KAZN: variants seen among roughly 807,000 people sequenced by gnomAD.
The protein encoded by KAZN is kazrin.
Under a neutral mutation model 87.4 loss-of-function variants are expected in KAZN, and 40 were observed. That is an observed-to-expected ratio of 0.46 (90% CI 0.36 to 0.60). KAZN has a LOEUF of 0.60. Among genes scored for constraint, KAZN ranks in the 20% least tolerant of loss-of-function variants. The pLI is 0.00. For missense variants in KAZN, 898 were observed against 1,073.9 expected, an observed-to-expected ratio of 0.84 and a Z score of 2.29; for synonymous variants, 466 against 458.3, an observed-to-expected ratio of 1.02 and a Z score of -0.22.
intron 2 of KAZN, among the ~76,000 whole-genome samples, chr1:14,278,191 CAG>C (rs1231665700): frequency 1.5e-5 from 2 of 131,642 alleles, no homozygotes; most frequent in African/African-American, 3.2e-5. Context: ...AAAAAAAAAA[CAG>C]AGATGCCAGG....
intron 2 of KAZN, among the ~76,000 whole-genome samples, chr1:14,399,242 C>T (rs2101125126): frequency 6.6e-6 from 1 of 152,132 alleles, no homozygotes; most frequent in East Asian, 1.9e-4. Context: ...GTCTCAAACT[C>T]CTGAGGTCAA....
intron 2 of KAZN, among the ~76,000 whole-genome samples, chr1:14,412,868 A>G (rs1198240773): frequency 6.0e-5 from 9 of 151,148 alleles, no homozygotes; most frequent in Non-Finnish European, 1.2e-4. Flanking sequence ...ATAAAATTGT[A>G]GTCATGAAGA....
chr1:14,886,019 C>T (rs1027085537), intron 1 of KAZN, among the ~76,000 whole-genome samples: 9 of 152,084 alleles, frequency 5.9e-5, no homozygotes, highest in Non-Finnish European at 1.2e-4. Flanking sequence ...TAACACCCCC[C>T]GCCCCACCCC....
intron 2 of KAZN, among the ~76,000 whole-genome samples, chr1:14,367,507 T>A (rs1213018622): frequency 2.6e-5 from 4 of 152,022 alleles, no homozygotes; most frequent in African/African-American, 9.7e-5. Context: ...AAGGCAACAT[T>A]TGAGCAGGAA....
chr1:14,244,364 C>G (rs1649296666), intron 2 of KAZN, among the ~76,000 whole-genome samples: 1 of 152,228 alleles, frequency 6.6e-6, no homozygotes, highest in Admixed American at 6.5e-5. Flanking sequence ...TACGAACTCT[C>G]TAACCCACTA....
At chr1:14,472,156 G>T (rs772785411) in intron 2 of KAZN, among the ~76,000 whole-genome samples, 1 of 152,060 alleles carries the variant, frequency 6.6e-6, no homozygotes, top group Non-Finnish European at 1.5e-5. Context: ...CATTCATGAG[G>T]GCTCTGCCCT....
chr1:14,418,230 C>G (rs1021228820), intron 2 of KAZN, among the ~76,000 whole-genome samples: 3 of 151,988 alleles, frequency 2.0e-5, no homozygotes, highest in Admixed American at 6.6e-5. Context: ...TCAGGAAGAT[C>G]TGAGTTCAGA....
chr1:13,953,073 C>G (rs1384313568), intron 1 of KAZN, among the ~76,000 whole-genome samples: 2 of 152,122 alleles, frequency 1.3e-5, no homozygotes, highest in African/African-American at 4.8e-5. Flanking sequence ...GTAGAAGCAA[C>G]AGAACAGGCT....
At chr1:14,113,962 A>G (rs142479396) in intron 1 of KAZN, among the ~76,000 whole-genome samples, 91 of 152,298 alleles carry the variant, frequency 6.0e-4, no homozygotes, top group African/African-American at 2.2e-3. Flanking sequence ...TTGTTTGGGT[A>G]GGAAGGGAAA....
chr1:14,653,586 T>C (rs1366415668), intron 1 of KAZN, among the ~76,000 whole-genome samples: 1 of 152,158 alleles, frequency 6.6e-6, no homozygotes, highest in East Asian at 1.9e-4. Flanking sequence ...CAGATTTGTT[T>C]AAAAGGATGA....
chr1:14,294,174 G>A (rs1329743309), intron 2 of KAZN, among the ~76,000 whole-genome samples: 2 of 152,176 alleles, frequency 1.3e-5, no homozygotes, highest in South Asian at 2.1e-4. Flanking sequence ...TCTGAGCCCA[G>A]GGCCAACTTC....
Position 14,219,906 on chromosome 1 carries a change from G to A in KAZN, c.249+39314G>A, listed in dbSNP as rs1261877150. 3.9e-5 allele frequency among the ~76,000 whole-genome samples: 6 copies of A among 152,300 alleles called. No individual in the cohort carries two copies. In the East Asian group the frequency reaches 9.7e-4, roughly 25 times the overall value. On this transcript the variant is annotated intron_variant, in intron 2 of 16. Coordinates refer to the KAZN transcript ENST00000636203. ...CTAGTTTGCATCACTCAACATGACTGAAACCCACTGTCTGAAGGCCATTGA... is the reference window on the plus strand; with the variant it reads ...CTAGTTTGCATCACTCAACATGACTAAAACCCACTGTCTGAAGGCCATTGA...
intron 2 of KAZN, among the ~76,000 whole-genome samples, chr1:14,540,395 C>G (rs1290805614): frequency 6.6e-6 from 1 of 152,136 alleles, no homozygotes; most frequent in Non-Finnish European, 1.5e-5. Flanking sequence ...TGAGGCCCCG[C>G]GGGGTTAAGC....
intron 1 of KAZN, among the ~76,000 whole-genome samples, chr1:14,762,741 A>G (rs972177455): frequency 9.9e-5 from 15 of 151,760 alleles, no homozygotes; most frequent in Admixed American, 9.8e-4. Context: ...AAAAAAAGAA[A>G]GAAGAAGAGA....
chr1:14,265,643 C>T (rs1651416447), intron 2 of KAZN, among the ~76,000 whole-genome samples: 1 of 152,130 alleles, frequency 6.6e-6, no homozygotes. Context: ...AATCAGAAAT[C>T]GAACCCTCAG....
intron 2 of KAZN, among the ~76,000 whole-genome samples, chr1:14,392,466 C>T (rs778102196): frequency 2.0e-4 from 30 of 152,016 alleles, no homozygotes; most frequent in African/African-American, 3.6e-4. Flanking sequence ...CAAGGCGGGA[C>T]GATTGCACAC....
In KAZN at chr1:14,352,340, T is replaced by C. The variant is rs551856726; in HGVS notation, c.249+171748T>C. ...TGAACTTCTCTTGGCTCCAGAGAAC[T>C]GACAGAGCATTAAAAGGGCCCTTAG... On this transcript the variant is annotated intron_variant, in intron 2 of 16. Coordinates refer to the KAZN transcript ENST00000636203. Among the ~76,000 whole-genome samples the C allele has an allele frequency of 1.2e-3, 183 of 152,238 alleles. 1 individual carries two copies. The South Asian group carries it at 0.017, about 14-fold the overall frequency.
At position 15,112,498 on chromosome 1, in the gene KAZN, G is replaced by C. The variant is rs753606105; in HGVS notation, c.2120G>C (p.Gly707Ala). 6.2e-7 allele frequency: 1 copy of C among 1,606,774 alleles called. No homozygotes were observed. ...AGGGCCTCCAGCGTCACGCGGGCAGGAAAGGAGGAGAACAGCAGCGGTCTC... is the reference window on the plus strand; with the variant it reads ...AGGGCCTCCAGCGTCACGCGGGCAGCAAAGGAGGAGAACAGCAGCGGTCTC... ...PGRASSVTRA[G>A]KEENSSGLKY... Residue 707 changes from glycine (G) to alanine (A), a missense_variant, in exon 14 of 15, where the codon GGA (glycine) becomes GCA (alanine). Gly to Ala is a moderately conservative substitution (Grantham distance 60). Coordinates refer to ENST00000376030, the MANE Select transcript of KAZN (RefSeq NM_201628.3).
rs542017582 is a variant in KAZN, at chr1:14,773,774, A to G, written c.226+174551A>G. Among the ~76,000 whole-genome samples, 10 of 152,056 alleles carry G rather than the reference A, an allele frequency of 6.6e-5. No individual in the cohort carries two copies. The highest frequency in any genetic ancestry group is 1.3e-4 in the Non-Finnish European group (9 of 67,994). On this transcript the variant is annotated intron_variant, in intron 1 of 14. Transcript: ENST00000376030. This position sits in a 1 kb window ranked among gnomAD's most constrained non-coding sequence, Gnocchi z 5.9. ...GCTTCCGGGGCTGCCATCTCTAATG[A>G]ACTCAGCCTTCCTGGGAGCTGCGGC...
Sources: allele counts gnomAD v4.1 joint callset (sites outside exome capture counted in the v4.1 genomes callset), GRCh38; gene constraint gnomAD v4.1.1; non-coding constraint Gnocchi (gnomAD v3.1); transcripts MANE v1.5; gene names NCBI Gene and HGNC (gene_info 2026-07-23, HGNC 2026-07-21).